NUP210: variants seen among roughly 807,000 people sequenced by gnomAD.
NUP210 encodes the protein nucleoporin 210.
In NUP210, 151 loss-of-function variants were observed where a neutral mutation model predicts 196.0. The observed-to-expected ratio is 0.77, with a 90% confidence interval of 0.67 to 0.88. NUP210 has a LOEUF of 0.88. Among genes scored for constraint, NUP210 ranks in the 40% least tolerant of loss-of-function variants. NUP210 has a pLI of 0.00. For missense variants in NUP210, 2,314 were observed against 2,493.7 expected, an observed-to-expected ratio of 0.93 and a Z score of 1.53; for synonymous variants, 1,070 against 1,052.7, an observed-to-expected ratio of 1.02 and a Z score of -0.32.
intron 20 of NUP210, 102 bp downstream of exon 20, chr3:13,351,777 T>C: frequency 1.3e-6 from 1 of 786,016 alleles, no homozygotes; most frequent in South Asian, 1.7e-5. Flanking sequence ...GGATTCCGAG[T>C]GTGAGTCAAG....
chr3:13,317,826 G>A (rs1696333886), intron 39 of NUP210, 45 bp from the exon 40 acceptor site: 1 of 1,357,344 alleles, frequency 7.4e-7, no homozygotes, highest in Non-Finnish European at 1.0e-6. Context: ...GCCAGGGAAA[G>A]CGGCGCACTC....
At chr3:13,335,720 A>C (rs1697190334) in intron 27 of NUP210, 108 bp from the exon 28 acceptor site, 1 of 1,269,944 alleles carries the variant, frequency 7.9e-7, no homozygotes, top group African/African-American at 1.5e-5. Flanking sequence ...CAGTCCTGGT[A>C]GCTGCTGGCC....
intron 16 of NUP210, among the ~76,000 whole-genome samples, chr3:13,356,519 T>G (rs986159672): frequency 3.9e-5 from 6 of 152,168 alleles, no homozygotes; most frequent in Non-Finnish European, 8.8e-5. Context: ...GGCGCATGCC[T>G]GTAATCCCAG....
Position 13,379,113 on chromosome 3 carries a change from G to A in NUP210, c.977-133C>T, listed in dbSNP as rs186953153. 8.9e-5 allele frequency: 70 copies of A among 785,112 alleles called. No homozygotes were observed. In the East Asian group the frequency reaches 1.7e-3, roughly 19 times the overall value. The allele number at this position is 785,112 out of a possible 1,614,324, so 48.6% of individuals were successfully genotyped here. The stretch of plus-strand genomic sequence containing the variant: ...AGAAGAGGGGATGAAAACTCCCCTG[G>A]CTTAGGCCACGTAGAGCAAAGGCAC... On this transcript the variant is annotated intron_variant, in intron 7 of 39. Coordinates refer to ENST00000254508, the MANE Select transcript of NUP210 (RefSeq NM_024923.4). This position sits in a 1 kb window ranked among gnomAD's most constrained non-coding sequence, Gnocchi z 4.2.
In NUP210 at chr3:13,364,844, A is replaced by T. The variant is rs894317656; in HGVS notation, c.1932+1102T>A. Among the ~76,000 whole-genome samples the T allele has an allele frequency of 2.0e-5, 3 of 152,200 alleles. No individual in the cohort carries two copies. In the East Asian group the frequency reaches 5.8e-4, roughly 29 times the overall value. Reference sequence around the variant, plus strand: ...ACTCTGTCTCAAAAAAAATAAACAAATAAAAGAAAAAGAAAAAGAAATCCT... The same window carrying T: ...ACTCTGTCTCAAAAAAAATAAACAATTAAAAGAAAAAGAAAAAGAAATCCT... On this transcript the variant is annotated intron_variant, in intron 14 of 39. Coordinates refer to ENST00000254508, the MANE Select transcript of NUP210 (RefSeq NM_024923.4).
Position 13,347,564 on chromosome 3 carries a change from T to G in NUP210, c.2836-4261A>C, listed in dbSNP as rs1197009405. Among the ~76,000 whole-genome samples the G allele has an allele frequency of 6.6e-6, 1 of 152,140 alleles. No individual in the cohort carries two copies. The highest frequency in any genetic ancestry group is 1.5e-5 in the Non-Finnish European group (1 of 68,022). The stretch of plus-strand genomic sequence containing the variant: ...GGGATAAAAACCCCCACAGGACCCC[T>G]GCTGCGTGAGCCCCAGAGAGCCCCC... On this transcript the variant is annotated intron_variant, in intron 20 of 39. Transcript: ENST00000254508. This position sits in a 1 kb window ranked among gnomAD's most constrained non-coding sequence, Gnocchi z 4.7.
chr3:13,330,011 C>T (rs1299201933), intron 30 of NUP210, among the ~76,000 whole-genome samples: 2 of 152,346 alleles, frequency 1.3e-5, no homozygotes, highest in South Asian at 2.1e-4. Context: ...CTGGATGTCA[C>T]GACTTGTATG....
rs1363161710 is a variant in NUP210 at position 13,327,246 on chromosome 3, C to G, written c.4478G>C (p.Cys1493Ser). The G allele has an allele frequency of 2.5e-6, 4 of 1,613,192 alleles. No individual in the cohort carries two copies. In the African/African-American group the frequency reaches 5.3e-5, roughly 22 times the overall value. Residue 1493 changes from cysteine (C) to serine (S), a missense_variant, in exon 32 of 40, where the codon TGT becomes TCT. Cys to Ser is a moderately radical substitution (Grantham distance 112). Coordinates refer to ENST00000254508, the MANE Select transcript of NUP210 (RefSeq NM_024923.4). ...CAGGCTGGTCAGAACAGTGGCCAGA[C>G]AGAGCACGTCCCCCACCACCATGGC... ...SGAMVVGDVL[C>S]LATVLTSLEG...
intron 23 of NUP210, 30 bp downstream of exon 23, chr3:13,341,718 C>T: frequency 6.2e-7 from 1 of 1,613,228 alleles, no homozygotes; most frequent in Non-Finnish European, 8.5e-7. Context: ...CTGGGCTGAT[C>T]CCACATGGTG....
intron 1 of NUP210, among the ~76,000 whole-genome samples, chr3:13,410,917 CAAA>C (rs35395985): frequency 1.3e-5 from 1 of 77,458 alleles, no homozygotes. Flanking sequence ...GACTCTGTCT[CAAA>C]AAAAAAAAAA....
intron 1 of NUP210, among the ~76,000 whole-genome samples, chr3:13,418,681 G>A (rs960519075): frequency 1.3e-5 from 2 of 151,922 alleles, no homozygotes; most frequent in Non-Finnish European, 2.9e-5. Context: ...CCAGCTACTC[G>A]GGAGGCTGAG....
intron 36 of NUP210, among the ~76,000 whole-genome samples, chr3:13,321,234 A>C (rs1696515385): frequency 6.6e-6 from 1 of 152,238 alleles, no homozygotes; most frequent in African/African-American, 2.4e-5. Context: ...AGCAGGGATT[A>C]GGGCTTTCCT....
rs2124831317 is a variant in NUP210, at chr3:13,323,513, C to A, written c.4645-81G>T. ...TGGGCGTTTCCACAACCTCACCCTG[C>A]AGTCTGTGACATAGTGTCACCCGTT... On this transcript the variant is annotated intron_variant, in intron 33 of 39. Transcript: ENST00000254508. This position sits in a 1 kb window ranked among gnomAD's most constrained non-coding sequence, Gnocchi z 4.3. 6.7e-7 allele frequency: 1 copy of A among 1,495,812 alleles called. No individual in the cohort carries two copies. The highest frequency in any genetic ancestry group is 9.2e-7 in the Non-Finnish European group (1 of 1,087,100). 92.7% of individuals were successfully genotyped at this position (1,495,812 alleles called of 1,614,324 possible). A position where few individuals can be genotyped will look rare whatever the true frequency, so the allele number is the denominator to read the frequency against.
Position 13,340,306 on chromosome 3 carries a change from G to C in NUP210, c.3229-8C>G. 6.2e-7 allele frequency: 1 copy of C among 1,613,022 alleles called. No individual in the cohort carries two copies. Among genetic ancestry groups the C allele is most frequent in the African/African-American group, 1.3e-5 (1 of 75,052 alleles). On this transcript the variant is annotated splice_region_variant and splice_polypyrimidine_tract_variant and intron_variant, in intron 23 of 39. Coordinates refer to ENST00000254508, the MANE Select transcript of NUP210 (RefSeq NM_024923.4). The surrounding 1 kb of genome is among the most constrained non-coding windows in gnomAD (Gnocchi z 4.0). Reference sequence around the variant, plus strand: ...CCTGAACGGGGGAAAGACCTGTTGAGAGACACAGGAGAGAAAGGACTACTG... The same window carrying C: ...CCTGAACGGGGGAAAGACCTGTTGACAGACACAGGAGAGAAAGGACTACTG...
chr3:13,355,671 A>G (rs1242424684), intron 16 of NUP210, among the ~76,000 whole-genome samples: 5 of 152,238 alleles, frequency 3.3e-5, no homozygotes, highest in African/African-American at 1.2e-4. Context: ...CAAGCAGGCT[A>G]CAAATTCTTA....
At chr3:13,417,348 A>T (rs1700381492) in intron 1 of NUP210, among the ~76,000 whole-genome samples, 1 of 152,256 alleles carries the variant, frequency 6.6e-6, no homozygotes, top group Admixed American at 6.5e-5. Context: ...TAGGAAAAGT[A>T]AACATGAAGC....
Position 13,327,748 on chromosome 3 carries a change from G to A in NUP210, c.4287-311C>T, listed in dbSNP as rs142056845. On this transcript the variant is annotated intron_variant, in intron 31 of 39. Coordinates refer to ENST00000254508, the MANE Select transcript of NUP210 (RefSeq NM_024923.4). ...CCCCGAGGGGAAAGAGATCCAGAGT[G>A]CTTCCTCACGCTCTTCCCACCAGGG... is the stretch of plus-strand genomic sequence containing the variant. Among the ~76,000 whole-genome samples, 7 of 152,322 alleles carry A rather than the reference G, an allele frequency of 4.6e-5. No individual in the cohort carries two copies. In the East Asian group the frequency reaches 1.4e-3, roughly 29 times the overall value.
intron 16 of NUP210, among the ~76,000 whole-genome samples, chr3:13,356,206 T>C (rs1488996078): frequency 6.6e-6 from 1 of 152,228 alleles, no homozygotes; most frequent in Non-Finnish European, 1.5e-5. Flanking sequence ...CTTGTCATTC[T>C]GATCAGTCAA....
rs926416087 is a variant in NUP210 at position 13,332,467 on chromosome 3, G to C, written c.3844-83C>G. 2.8e-6 allele frequency: 3 copies of C among 1,062,200 alleles called. No homozygotes were observed. The African/African-American group carries it at 4.6e-5, about 16-fold the overall frequency. 65.8% of individuals were successfully genotyped at this position (1,062,200 alleles called of 1,614,324 possible). ...ATGTCTGCTTCTCTCCTAGCAGCAA[G>C]AGCCGAGGAGGGGCCAGAGAGGAGA... is the stretch of plus-strand genomic sequence containing the variant. On this transcript the variant is annotated intron_variant, in intron 28 of 39. Coordinates refer to ENST00000254508, the MANE Select transcript of NUP210 (RefSeq NM_024923.4).
Sources: allele counts gnomAD v4.1 joint callset (sites outside exome capture counted in the v4.1 genomes callset), GRCh38; gene constraint gnomAD v4.1.1; non-coding constraint Gnocchi (gnomAD v3.1); transcripts MANE v1.5; gene names NCBI Gene and HGNC (gene_info 2026-07-23, HGNC 2026-07-21).